PHACTR1: variants seen among roughly 807,000 people sequenced by gnomAD.
PHACTR1 encodes RPEL repeat containing 1.
A neutral mutation model predicts 69.2 loss-of-function variants in PHACTR1; 16 were observed. The observed-to-expected ratio is 0.23, with a 90% CI of 0.16 to 0.35. The LOEUF (loss-of-function observed/expected upper bound fraction) is 0.35. Among genes scored for constraint, PHACTR1 ranks in the 10% least tolerant of loss-of-function variants. The pLI, the probability that PHACTR1 is intolerant of heterozygous loss-of-function variation, is 1.00. For synonymous variants in PHACTR1, 312 were observed against 284.5 expected, an observed-to-expected ratio of 1.10 and a Z score of -0.97; for missense variants, 510 against 734.7, an observed-to-expected ratio of 0.69 and a Z score of 3.54.
intron 4 of PHACTR1, among the ~76,000 whole-genome samples, chr6:13,034,299 G>GGGATT (rs1554111391): frequency 1.3e-5 from 2 of 152,108 alleles, no homozygotes; most frequent in Non-Finnish European, 2.9e-5. Flanking sequence ...TTACAGGCGT[G>GGGATT]AGCCACCACG....
intron 5 of PHACTR1, among the ~76,000 whole-genome samples, chr6:13,094,496 C>A (rs1012421999): frequency 1.6e-4 from 24 of 151,860 alleles, no homozygotes; most frequent in South Asian, 2.1e-4. Flanking sequence ...GGGGTTTCAC[C>A]ATATTAGCCA....
chr6:12,756,517 A>G (rs1196039083), intron 4 of PHACTR1, among the ~76,000 whole-genome samples: 1 of 152,212 alleles, frequency 6.6e-6, no homozygotes, highest in Admixed American at 6.5e-5. Context: ...GAATGATGAC[A>G]GATTAGCATG....
At chr6:13,058,858 C>G (rs9473355) in intron 5 of PHACTR1, among the ~76,000 whole-genome samples, 1 of 152,016 alleles carries the variant, frequency 6.6e-6, no homozygotes, top group South Asian at 2.1e-4. Flanking sequence ...GAGTGTCGTG[C>G]GGGTTGAGGC....
At chr6:13,165,787 T>C (rs930258188) in intron 6 of PHACTR1, among the ~76,000 whole-genome samples, 3 of 152,130 alleles carry the variant, frequency 2.0e-5, no homozygotes, top group African/African-American at 7.2e-5. Context: ...ACTACAACTT[T>C]AAGGCAACTT....
At chr6:13,284,319 A>G (rs1458336038) in intron 13 of PHACTR1, among the ~76,000 whole-genome samples, 1 of 151,720 alleles carries the variant, frequency 6.6e-6, no homozygotes, top group African/African-American at 2.4e-5. Context: ...GGAGTTCAAG[A>G]CCAGCCTGAC....
chr6:13,283,234 C>T lies in PHACTR1; in HGVS notation c.1510-188C>T. 1 of 620,100 alleles carries T rather than the reference C, an allele frequency of 1.6e-6. No individual in the cohort carries two copies. The highest frequency in any genetic ancestry group is 2.0e-5 in the South Asian group (1 of 50,480). 38.4% of individuals were successfully genotyped at this position (620,100 alleles called of 1,614,324 possible). On this transcript the variant is annotated intron_variant, in intron 12 of 14. Coordinates refer to ENST00000332995, the MANE Select transcript of PHACTR1 (RefSeq NM_030948.6). This position sits in a 1 kb window ranked among gnomAD's most constrained non-coding sequence, Gnocchi z 4.7. ...TCTCTTAGGACCTAGAAACGTCCCACTCCCAAGAGTCAGGAGACTTGGGTC... is the reference window on the plus strand; with the variant it reads ...TCTCTTAGGACCTAGAAACGTCCCATTCCCAAGAGTCAGGAGACTTGGGTC...
intron 4 of PHACTR1, among the ~76,000 whole-genome samples, chr6:12,931,003 C>CAAAAA (rs34965562): frequency 4.1e-4 from 35 of 86,036 alleles, no homozygotes; most frequent in Admixed American, 5.4e-4. Flanking sequence ...AACTCTGTCT[C>CAAAAA]AAAAAAAAAA....
At chr6:13,180,199 G>T (rs375341894) in intron 6 of PHACTR1, among the ~76,000 whole-genome samples, 1 of 152,170 alleles carries the variant, frequency 6.6e-6, no homozygotes, top group African/African-American at 2.4e-5. Context: ...AACTGTTTCT[G>T]TTAGGTAGGG....
chr6:13,286,990 A>G, intron 14 of PHACTR1, 73 bp from the exon 15 acceptor site: 5 of 1,505,762 alleles, frequency 3.3e-6, no homozygotes, highest in Middle Eastern at 1.7e-4. Context: ...CTCCCTGAAG[A>G]TGGGAGATTG....
At chr6:12,754,876 T>C (rs1003197869) in intron 4 of PHACTR1, among the ~76,000 whole-genome samples, 1 of 152,246 alleles carries the variant, frequency 6.6e-6, no homozygotes, top group Non-Finnish European at 1.5e-5. Context: ...TAATTTAAAG[T>C]ATACAGGAGG....
intron 13 of PHACTR1, among the ~76,000 whole-genome samples, chr6:13,284,954 G>T (rs1328508621): frequency 6.6e-6 from 1 of 152,190 alleles, no homozygotes; most frequent in East Asian, 1.9e-4. Flanking sequence ...CTCTGCAAGG[G>T]AATTTGTGGG....
intron 4 of PHACTR1, among the ~76,000 whole-genome samples, chr6:12,863,904 G>T (rs1028570250): frequency 2.0e-5 from 3 of 152,112 alleles, no homozygotes; most frequent in Non-Finnish European, 2.9e-5. Context: ...TTCTGTAGCA[G>T]TTCATGATTC....
intron 4 of PHACTR1, among the ~76,000 whole-genome samples, chr6:12,866,685 A>G (rs1781493868): frequency 6.6e-6 from 1 of 152,212 alleles, no homozygotes; most frequent in Non-Finnish European, 1.5e-5. Flanking sequence ...GAGGCTCTGC[A>G]GGGTGCCCAG....
chr6:12,969,354 G>A (rs973273212), intron 4 of PHACTR1, among the ~76,000 whole-genome samples: 1 of 152,186 alleles, frequency 6.6e-6, no homozygotes, highest in African/African-American at 2.4e-5. Context: ...ATAAAAGAAA[G>A]AGCCAAATGC....
chr6:12,813,770 T>TG (rs1775282125), intron 4 of PHACTR1, among the ~76,000 whole-genome samples: 1 of 152,210 alleles, frequency 6.6e-6, no homozygotes, highest in Non-Finnish European at 1.5e-5. Flanking sequence ...AAGTCACCAC[T>TG]GGAACTAGTG....
At chr6:13,193,796 G>C (rs184299715) in intron 7 of PHACTR1, among the ~76,000 whole-genome samples, 1 of 151,966 alleles carries the variant, frequency 6.6e-6, no homozygotes, top group Non-Finnish European at 1.5e-5. Flanking sequence ...CCCTGATGAC[G>C]TGGTGACTTT....
At chr6:12,896,800 C>T (rs1373405615) in intron 4 of PHACTR1, among the ~76,000 whole-genome samples, 1 of 152,132 alleles carries the variant, frequency 6.6e-6, no homozygotes, top group Non-Finnish European at 1.5e-5. Context: ...CCATGTGGTT[C>T]TTTCTTGCCT....
intron 5 of PHACTR1, among the ~76,000 whole-genome samples, chr6:13,128,393 AT>A (rs200768402): frequency 4.8e-4 from 72 of 150,568 alleles, no homozygotes; most frequent in African/African-American, 1.4e-3. Flanking sequence ...ACTTAAATAA[AT>A]TTTTTTTTAA....
chr6:12,856,996 G>T (rs1017453994), intron 4 of PHACTR1, among the ~76,000 whole-genome samples: 1 of 152,120 alleles, frequency 6.6e-6, no homozygotes, highest in Non-Finnish European at 1.5e-5. Flanking sequence ...TTGAAACGGG[G>T]GGTTATTCTG....
Sources: allele counts gnomAD v4.1 joint callset (sites outside exome capture counted in the v4.1 genomes callset), GRCh38; gene constraint gnomAD v4.1.1; non-coding constraint Gnocchi (gnomAD v3.1); transcripts MANE v1.5; gene names NCBI Gene and HGNC (gene_info 2026-07-23, HGNC 2026-07-21).